Variants in OCA2 observed in about 807,000 individuals in gnomAD.
OCA2 encodes the protein P protein.
A neutral mutation model predicts 100.2 loss-of-function variants in OCA2; 77 were observed. The ratio of observed to expected loss-of-function variants is 0.77; its 90% confidence interval spans 0.64 to 0.93. The LOEUF is 0.93. OCA2 is among the 40% of genes least tolerant of loss of function. The pLI is 0.00. For missense variants in OCA2, 1,062 were observed against 1,089.1 expected (o/e 0.98, Z 0.35); for synonymous variants, 432 against 439.2 (o/e 0.98, Z 0.21).
chr15:28,082,502 T>C (rs1306112816), intron 1 of OCA2, among the ~76,000 whole-genome samples: 2 of 152,168 alleles, frequency 1.3e-5, no homozygotes, highest in Non-Finnish European at 1.5e-5. Context: ...GTGGCCTAAG[T>C]GTTCAGCAAC....
intron 1 of OCA2, among the ~76,000 whole-genome samples, chr15:28,091,019 AC>A (rs1429280889): frequency 3.3e-5 from 5 of 152,176 alleles, no homozygotes; most frequent in Non-Finnish European, 7.4e-5. Flanking sequence ...ACCATTACAG[AC>A]CCTGAAGACA....
At chr15:27,838,392 A>G (rs2035231494) in intron 23 of OCA2, among the ~76,000 whole-genome samples, 1 of 152,240 alleles carries the variant, frequency 6.6e-6, no homozygotes, top group Non-Finnish European at 1.5e-5. Flanking sequence ...GGCCAAAAAC[A>G]GCTGAGTAGT....
intron 15 of OCA2, among the ~76,000 whole-genome samples, chr15:27,965,796 G>C (rs1473531097): frequency 1.3e-5 from 2 of 152,190 alleles, no homozygotes; most frequent in Non-Finnish European, 2.9e-5. Flanking sequence ...AGCTCGTCAA[G>C]GAAAGGCTGC....
rs907442167 is a variant in OCA2, at chr15:28,091,648, T to C, written c.-22+7576A>G. On this transcript the variant is annotated intron_variant, in intron 1 of 23. Coordinates refer to ENST00000354638, the MANE Select transcript of OCA2 (RefSeq NM_000275.3). ...ATAACATTAATAGGATCATTAGTCA[T>C]AATACCCTAAAAGTGGAAAGCACCC... 1.3e-4 allele frequency among the ~76,000 whole-genome samples: 20 copies of C among 152,312 alleles called. 1 individual carries two copies. Among genetic ancestry groups the C allele is most frequent in the Admixed American group, 5.9e-4 (9 of 15,296 alleles).
chr15:28,022,384 C>T (rs2042620290), intron 6 of OCA2, 117 bp downstream of exon 6: 7 of 509,466 alleles, frequency 1.4e-5, no homozygotes, highest in East Asian at 1.3e-4. Context: ...AAACAAAATT[C>T]GAGTGGTAAT....
At chr15:27,951,677 C>T in intron 18 of OCA2, 107 bp downstream of exon 18, 2 of 837,292 alleles carry the variant, frequency 2.4e-6, no homozygotes, top group South Asian at 1.4e-5. Context: ...TCTGGCCTTC[C>T]ACCAGCCCGG....
At chr15:27,736,190 A>G in the OCA2 span, among the ~76,000 whole-genome samples, 3 of 152,234 alleles carry the variant, frequency 2.0e-5, no homozygotes, top group Admixed American at 2.0e-4. Flanking sequence ...TTATTTTGAA[A>G]TTGTGTATTA....
intron 19 of OCA2, among the ~76,000 whole-genome samples, chr15:27,921,165 T>C (rs1453293539): frequency 2.0e-5 from 3 of 152,052 alleles, no homozygotes; most frequent in African/African-American, 4.8e-5. Context: ...AGATGCATAA[T>C]AGTCACACTA....
At chr15:28,000,656 AAAC>A (rs1335556988) in intron 9 of OCA2, among the ~76,000 whole-genome samples, 3 of 152,212 alleles carry the variant, frequency 2.0e-5, no homozygotes, top group Non-Finnish European at 2.9e-5. Context: ...CAAAGGAAAC[AAAC>A]AACAAAATGA....
chr15:28,003,233 G>A (rs910386759), intron 9 of OCA2, among the ~76,000 whole-genome samples: 1 of 152,236 alleles, frequency 6.6e-6, no homozygotes, highest in Non-Finnish European at 1.5e-5. Flanking sequence ...GCTTAGCTCC[G>A]CAATAAAATA....
At chr15:27,769,996 G>A (rs547095565) in intron 23 of OCA2, among the ~76,000 whole-genome samples, 22 of 152,284 alleles carry the variant, frequency 1.4e-4, no homozygotes, top group African/African-American at 4.8e-4. Flanking sequence ...GGTCTCCCAG[G>A]GTAATAGTCC....
chr15:27,796,693 A>G (rs1376544490), intron 23 of OCA2, among the ~76,000 whole-genome samples: 1 of 152,208 alleles, frequency 6.6e-6, no homozygotes, highest in Non-Finnish European at 1.5e-5. Flanking sequence ...CATCGTCCAG[A>G]GCACTGCCCT....
chr15:28,046,555 C>T (rs1302852068), intron 2 of OCA2, among the ~76,000 whole-genome samples: 1 of 152,166 alleles, frequency 6.6e-6, no homozygotes, highest in South Asian at 2.1e-4. Context: ...CTACCATGCC[C>T]CATGGGCTGA....
intron 23 of OCA2, among the ~76,000 whole-genome samples, chr15:27,763,931 CAA>C: frequency 6.6e-6 from 1 of 152,110 alleles, no homozygotes; most frequent in Non-Finnish European, 1.5e-5. Flanking sequence ...AGGCCAAGGC[CAA>C]CACTGCCCAG....
intron 23 of OCA2, among the ~76,000 whole-genome samples, chr15:27,819,194 A>G (rs541868220): frequency 5.1e-4 from 78 of 152,374 alleles, no homozygotes; most frequent in Non-Finnish European, 9.0e-4. Flanking sequence ...TACACCCAAG[A>G]GAAGGTGCTC....
chr15:27,953,703 A>T (rs1255335249), intron 17 of OCA2, among the ~76,000 whole-genome samples: 3 of 151,074 alleles, frequency 2.0e-5, no homozygotes, highest in Non-Finnish European at 4.4e-5. Flanking sequence ...TATCATTCAA[A>T]TTTGCTCCTT....
At chr15:27,748,269 C>T in the OCA2 span, among the ~76,000 whole-genome samples, 9 of 152,322 alleles carry the variant, frequency 5.9e-5, no homozygotes, top group South Asian at 1.9e-3. Flanking sequence ...TCCCAAACTA[C>T]CTGGGCTGGG....
intron 8 of OCA2, among the ~76,000 whole-genome samples, chr15:28,015,451 C>A (rs1051610043): frequency 6.6e-6 from 1 of 152,114 alleles, no homozygotes; most frequent in Non-Finnish European, 1.5e-5. Flanking sequence ...GTCCTAACCC[C>A]GAGTACCTCC....
intron 23 of OCA2, among the ~76,000 whole-genome samples, chr15:27,819,451 C>T (rs2034423230): frequency 6.6e-6 from 1 of 152,216 alleles, no homozygotes; most frequent in South Asian, 2.1e-4. Flanking sequence ...AGTAACTGTA[C>T]AAGCTCACTA....
Sources: gnomAD v4.1 joint callset for allele counts (sites outside exome capture counted in the v4.1 genomes callset) on GRCh38, gnomAD v4.1.1 for gene constraint, MANE v1.5 for transcripts, NCBI Gene and HGNC (gene_info 2026-07-23, HGNC 2026-07-21) for gene names.